Variants in DSTYK observed in about 807,000 individuals in gnomAD.
The protein encoded by DSTYK is dual serine/threonine and tyrosine protein kinase.
A neutral mutation model predicts 98.7 loss-of-function variants in DSTYK; 34 were observed. That is an observed-to-expected ratio of 0.34 (90% CI 0.26 to 0.46). The LOEUF (loss-of-function observed/expected upper bound fraction) is 0.46, where lower values mean the gene tolerates loss of function less well. Ranked by LOEUF, DSTYK falls within the 20% of genes least tolerant of loss-of-function variation. DSTYK has a pLI of 1.00. For synonymous variants in DSTYK, 462 were observed against 457.3 expected, an observed-to-expected ratio of 1.01 and a Z score of -0.13; for missense variants, 962 against 1,181.7, an observed-to-expected ratio of 0.81 and a Z score of 2.73.
chr1:205,173,447 A>G (rs1658131457), intron 2 of DSTYK: 1 of 151,840 alleles, frequency 6.6e-6, no homozygotes, highest in South Asian at 2.1e-4. Context: ...AAAGTAAAGA[A>G]TTATAGGTGG....
chr1:205,148,972 G>A (rs988385202), intron 11 of DSTYK, among the ~76,000 whole-genome samples: 10 of 149,136 alleles, frequency 6.7e-5, no homozygotes, highest in African/African-American at 2.0e-4. Flanking sequence ...GCATGATCTC[G>A]GCTCACCACA....
Position 205,150,841 on chromosome 1 carries a change from A to G in DSTYK, c.2353-47T>C, listed in dbSNP as rs746445753. On this transcript the variant is annotated intron_variant, in intron 10 of 12. Transcript: ENST00000367162. The surrounding 1 kb of genome is among the most constrained non-coding windows in gnomAD (Gnocchi z 4.1). The stretch of plus-strand genomic sequence containing the variant: ...AGTCACCTTGTTTCTGATCCTGCAC[A>G]CAGCACTGCTGCGTACCTAAGCTCA... The G allele has an allele frequency of 1.4e-6, 2 of 1,439,650 alleles. No homozygotes were observed. Among genetic ancestry groups the G allele is most frequent in the East Asian group, 2.3e-5 (1 of 44,134 alleles). The allele number at this position is 1,439,650 out of a possible 1,614,324, so 89.2% of individuals were successfully genotyped here. A position where few individuals can be genotyped will look rare whatever the true frequency, so the allele number is the denominator to read the frequency against.
chr1:205,190,793 C>T lies in DSTYK; in HGVS notation c.266-2987G>A, dbSNP rs147208031. 2.5e-3 allele frequency among the ~76,000 whole-genome samples: 387 copies of T among 152,232 alleles called. 2 individuals are homozygous for T. Among genetic ancestry groups the T allele is most frequent in the African/African-American group, 8.6e-3 (358 of 41,532 alleles). ...CCCCAGATTTTCACATAAGTGTCTA[C>T]GCATGAATGCATACTGACAACCTTT... On this transcript the variant is annotated intron_variant, in intron 1 of 12. Coordinates refer to ENST00000367162, the MANE Select transcript of DSTYK (RefSeq NM_015375.3).
At chr1:205,185,376 GTAT>G (rs911113346) in intron 2 of DSTYK, among the ~76,000 whole-genome samples, 3 of 152,054 alleles carry the variant, frequency 2.0e-5, no homozygotes, top group Admixed American at 6.6e-5. Flanking sequence ...CTATTTAACA[GTAT>G]TATTATTATT....
chr1:205,211,227 A>C, intron 1 of DSTYK, 44 bp downstream of exon 1: 3 of 1,541,932 alleles, frequency 1.9e-6, no homozygotes, highest in Non-Finnish European at 2.6e-6. Context: ...CCGTCCTCCG[A>C]TTTGCCTCTC....
chr1:205,168,570 C>A (rs1223605672), intron 3 of DSTYK, among the ~76,000 whole-genome samples: 1 of 152,192 alleles, frequency 6.6e-6, no homozygotes, highest in African/African-American at 2.4e-5. Flanking sequence ...TCATTTTAAT[C>A]TTGCATGGAG....
At chr1:205,207,832 C>T (rs1355595432) in intron 1 of DSTYK, among the ~76,000 whole-genome samples, 1 of 148,726 alleles carries the variant, frequency 6.7e-6, no homozygotes, top group Non-Finnish European at 1.5e-5. Flanking sequence ...CTTAATACTC[C>T]ACCCTGCCTT....
intron 1 of DSTYK, 149 bp from the exon 2 acceptor site, chr1:205,187,955 C>G (rs900694269): frequency 1.8e-5 from 14 of 763,266 alleles, no homozygotes; most frequent in Admixed American, 3.0e-5. Flanking sequence ...AAGGACATAT[C>G]AGGGAAAAAA....
chr1:205,151,434 C>T (rs1262099098), intron 10 of DSTYK, among the ~76,000 whole-genome samples: 2 of 152,154 alleles, frequency 1.3e-5, no homozygotes, highest in Non-Finnish European at 2.9e-5. Context: ...GCTTACAACA[C>T]ACATTGTATA....
chr1:205,161,877 T>C (rs1283627475), intron 6 of DSTYK, among the ~76,000 whole-genome samples, 159 bp downstream of exon 6: 1 of 151,078 alleles, frequency 6.6e-6, no homozygotes, highest in Non-Finnish European at 1.5e-5. Context: ...ATGATTTTAA[T>C]ATACATATGT....
chr1:205,206,792 T>C (rs888578795), intron 1 of DSTYK, among the ~76,000 whole-genome samples: 4 of 151,806 alleles, frequency 2.6e-5, no homozygotes, highest in African/African-American at 9.7e-5. Flanking sequence ...GGTCTCAAAC[T>C]CCTGACCTCA....
At chr1:205,178,276 A>G (rs1326989596) in intron 2 of DSTYK, among the ~76,000 whole-genome samples, 1 of 151,998 alleles carries the variant, frequency 6.6e-6, no homozygotes, top group Non-Finnish European at 1.5e-5. Context: ...TCTTCTCTCT[A>G]TCTCGAATGA....
intron 1 of DSTYK, among the ~76,000 whole-genome samples, chr1:205,189,092 A>C (rs917254450): frequency 5.9e-5 from 9 of 152,164 alleles, no homozygotes; most frequent in Non-Finnish European, 1.3e-4. Flanking sequence ...CAATTTAAAA[A>C]ATCTGTTTTT....
intron 2 of DSTYK, among the ~76,000 whole-genome samples, chr1:205,182,874 G>A (rs1658456187): frequency 6.6e-6 from 1 of 151,950 alleles, no homozygotes; most frequent in Non-Finnish European, 1.5e-5. Context: ...AACCAGGTCA[G>A]TATGTGGAAG....
intron 1 of DSTYK, among the ~76,000 whole-genome samples, chr1:205,208,336 G>A (rs1352062972): frequency 1.3e-5 from 2 of 152,092 alleles, no homozygotes; most frequent in African/African-American, 2.4e-5. Flanking sequence ...GGTATCATAT[G>A]GCATTACAAA....
chr1:205,193,140 T>C (rs1017981173), intron 1 of DSTYK, among the ~76,000 whole-genome samples: 2 of 152,178 alleles, frequency 1.3e-5, no homozygotes, highest in African/African-American at 4.8e-5. Context: ...CTGAGATCTC[T>C]AAAGTCTCTT....
At chr1:205,170,804 T>A (rs2102416033) in intron 2 of DSTYK, among the ~76,000 whole-genome samples, 1 of 152,224 alleles carries the variant, frequency 6.6e-6, no homozygotes, top group African/African-American at 2.4e-5. Flanking sequence ...AGGGGGTGGA[T>A]TCTACCAGGA....
chr1:205,180,164 G>T (rs771724278), intron 2 of DSTYK, among the ~76,000 whole-genome samples: 3 of 151,792 alleles, frequency 2.0e-5, no homozygotes, highest in African/African-American at 7.2e-5. Flanking sequence ...GAACGTGCAG[G>T]TTTGTTACAT....
Position 205,146,573 on chromosome 1 carries a change from ATT to A in DSTYK, c.*983_*984del, listed in dbSNP as rs146051023. Reference sequence around the variant, plus strand: ...ACACAAATATATGCATACACATTCTATTTTTTTTTTTTTTTTGAGACAGAGTC... The same window carrying A: ...ACACAAATATATGCATACACATTCTATTTTTTTTTTTTTTGAGACAGAGTC... On this transcript the variant is annotated 3_prime_UTR_variant, in exon 13 of 13. Transcript: ENST00000367162. 12 of 138,056 alleles carry A rather than the reference ATT, an allele frequency of 8.7e-5. No homozygotes were observed. The highest frequency in any genetic ancestry group is 1.6e-5 in the Non-Finnish European group (1 of 63,220). 8.6% of individuals were successfully genotyped at this position (138,056 alleles called of 1,614,324 possible).
Sources: gnomAD v4.1 joint callset for allele counts (sites outside exome capture counted in the v4.1 genomes callset) on GRCh38, gnomAD v4.1.1 for gene constraint, Gnocchi (gnomAD v3.1) non-coding constraint, MANE v1.5 for transcripts, NCBI Gene and HGNC (gene_info 2026-07-23, HGNC 2026-07-21) for gene names.